The following DLC1 variants were observed in gnomAD, a reference collection of about 807,000 sequenced individuals.
DLC1 encodes DLC1 Rho GTPase activating protein.
DLC1 carries 54 observed loss-of-function variants against 140.3 expected under a neutral mutation model. That is an observed-to-expected ratio of 0.38 (90% CI 0.31 to 0.48). DLC1 has a LOEUF of 0.48. Ranked by LOEUF, DLC1 falls within the 20% of genes least tolerant of loss-of-function variation. The pLI, the probability that DLC1 is intolerant of heterozygous loss-of-function variation, is 0.96. For synonymous variants in DLC1, 986 were observed against 728.1 expected, an observed-to-expected ratio of 1.35 and a Z score of -5.70; for missense variants, 2,536 against 1,907.0, an observed-to-expected ratio of 1.33 and a Z score of -6.14.
chr8:13,504,419 C>T (rs573678694), intron 1 of DLC1, among the ~76,000 whole-genome samples: 2 of 152,244 alleles, frequency 1.3e-5, no homozygotes, highest in East Asian at 3.9e-4. Flanking sequence ...GCCACCGCGC[C>T]CGGCCTTCAG....
At position 13,095,146 on chromosome 8, in the gene DLC1, T is replaced by C. The variant is rs143733431; in HGVS notation, c.3267A>G (p.Gln1089=). 2.5e-5 allele frequency: 41 copies of C among 1,614,158 alleles called. No individual in the cohort carries two copies. The African/African-American group carries it at 4.7e-4, about 18-fold the overall frequency. ...CCTGCTGGATGCTCTGAGGCAACGG[T>C]TGTCCTGTGCGCTGCACGTTGACCG... ...PLTVNVQRTG[Q]PLPQSIQQAM... is the part of the protein sequence containing the mutation. Residue 1089 remains glutamine, a synonymous_variant, in exon 11 of 18, where the codon CAA becomes CAG. Transcript: ENST00000276297.
In DLC1 at chr8:13,286,637, G is replaced by C. The variant is rs552103121; in HGVS notation, c.1348+18632C>G. Among the ~76,000 whole-genome samples the C allele has an allele frequency of 3.3e-5, 5 of 151,010 alleles. No homozygotes were observed. In the South Asian group the frequency reaches 1.0e-3, roughly 31 times the overall value. On this transcript the variant is annotated intron_variant, in intron 5 of 17. Coordinates refer to ENST00000276297, the MANE Select transcript of DLC1 (RefSeq NM_182643.3). Reference sequence around the variant, plus strand: ...ACTTATTAAAGTGAACAGGCATTTTGCTAATATTAGCAGCAAAAGAATGTA... The same window carrying C: ...ACTTATTAAAGTGAACAGGCATTTTCCTAATATTAGCAGCAAAAGAATGTA...
At chr8:13,532,269 A>G (rs999954049) in intron 1 of DLC1, among the ~76,000 whole-genome samples, 4 of 152,092 alleles carry the variant, frequency 2.6e-5, no homozygotes, top group African/African-American at 7.2e-5. Flanking sequence ...GATCCTGTCT[A>G]AAAACAACAA....
chr8:13,157,635 C>T lies in DLC1; in HGVS notation c.1349-41978G>A, dbSNP rs550229204. On this transcript the variant is annotated intron_variant, in intron 5 of 17. Coordinates refer to ENST00000276297, the MANE Select transcript of DLC1 (RefSeq NM_182643.3). ...TGCCTCACAAAAATAACTATATTGT[C>T]GGGGCAGAGGTCTAAAAAGGGATGT... is the stretch of plus-strand genomic sequence containing the variant. Among the ~76,000 whole-genome samples, 480 of 152,250 alleles carry T rather than the reference C, an allele frequency of 3.2e-3. 1 individual carries two copies. The highest frequency in any genetic ancestry group is 5.1e-3 in the Non-Finnish European group (349 of 68,000).
intron 5 of DLC1, among the ~76,000 whole-genome samples, chr8:13,157,811 T>C (rs1456705054): frequency 6.6e-6 from 1 of 152,236 alleles, no homozygotes; most frequent in Non-Finnish European, 1.5e-5. Flanking sequence ...AATCATAATA[T>C]TTCTTTTCCT....
intron 5 of DLC1, among the ~76,000 whole-genome samples, chr8:13,138,607 T>A (rs547318822): frequency 6.6e-6 from 1 of 152,368 alleles, no homozygotes; most frequent in South Asian, 2.1e-4. Context: ...TCAAAGGACA[T>A]ACGACAAAGA....
chr8:13,194,441 T>C (rs1244322122), intron 5 of DLC1, among the ~76,000 whole-genome samples: 1 of 152,202 alleles, frequency 6.6e-6, no homozygotes, highest in Non-Finnish European at 1.5e-5. Flanking sequence ...AAAGAATGCT[T>C]TTGCTGATGG....
At chr8:13,567,482 T>C (rs989562403) in intron 1 of DLC1, 2 of 1,551,964 alleles carry the variant, frequency 1.3e-6, no homozygotes, top group African/African-American at 2.7e-5. Context: ...AGAGATGCCT[T>C]TAGTTGTACT....
At chr8:13,440,598 G>A (rs1246040443) in intron 2 of DLC1, among the ~76,000 whole-genome samples, 1 of 151,716 alleles carries the variant, frequency 6.6e-6, no homozygotes, top group Admixed American at 6.6e-5. Context: ...ATATTTCAGA[G>A]TAGGCCATGG....
chr8:13,335,982 T>C (rs572455327), intron 4 of DLC1, among the ~76,000 whole-genome samples: 2 of 152,298 alleles, frequency 1.3e-5, no homozygotes, highest in African/African-American at 2.4e-5. Context: ...TGTAATATTT[T>C]CACTTATGAA....
At chr8:13,325,798 G>A (rs541863168) in intron 4 of DLC1, among the ~76,000 whole-genome samples, 9 of 152,276 alleles carry the variant, frequency 5.9e-5, no homozygotes, top group Middle Eastern at 3.4e-3. Context: ...AACATGTAGC[G>A]CTTTATGTTT....
intron 4 of DLC1, among the ~76,000 whole-genome samples, chr8:13,306,416 T>C (rs887433976): frequency 5.3e-5 from 8 of 152,114 alleles, no homozygotes; most frequent in Admixed American, 1.3e-4. Context: ...AACTGACCCA[T>C]TGGGATTTGA....
intron 5 of DLC1, among the ~76,000 whole-genome samples, chr8:13,222,944 G>C (rs950604783): frequency 1.3e-5 from 2 of 151,886 alleles, no homozygotes; most frequent in East Asian, 3.9e-4. Context: ...GCAGAGATGG[G>C]GTCTTGGTAT....
chr8:13,133,464 GC>G (rs1822305479), intron 5 of DLC1: 1 of 308,460 alleles, frequency 3.2e-6, no homozygotes, highest in South Asian at 9.5e-5. Context: ...CTTCCTCGTG[GC>G]CGCAGCCTCA....
chr8:13,358,348 ACCC>A (rs1396654223), intron 4 of DLC1, among the ~76,000 whole-genome samples: 1 of 152,134 alleles, frequency 6.6e-6, no homozygotes, highest in East Asian at 1.9e-4. Context: ...TCGTTTTGTC[ACCC>A]CCAGGTTAGT....
At chr8:13,362,312 C>G (rs1835263415) in intron 4 of DLC1, among the ~76,000 whole-genome samples, 1 of 152,098 alleles carries the variant, frequency 6.6e-6, no homozygotes, top group African/African-American at 2.4e-5. Context: ...GTTTTGGGGA[C>G]ATCATAGAGT....
intron 6 of DLC1, among the ~76,000 whole-genome samples, chr8:13,114,086 G>A (rs187628148): frequency 2.0e-5 from 3 of 152,340 alleles, no homozygotes; most frequent in Middle Eastern, 3.4e-3. Flanking sequence ...CCTAGGCCAG[G>A]CGTGGTTGCT....
At chr8:13,093,660 C>T (rs1818270864) in intron 12 of DLC1, among the ~76,000 whole-genome samples, 1 of 152,148 alleles carries the variant, frequency 6.6e-6, no homozygotes, top group Non-Finnish European at 1.5e-5. Context: ...TCCATGGTTA[C>T]AGCACATAAC....
intron 5 of DLC1, among the ~76,000 whole-genome samples, chr8:13,149,446 G>C (rs1823655101): frequency 6.6e-6 from 1 of 152,064 alleles, no homozygotes; most frequent in African/African-American, 2.4e-5. Flanking sequence ...AACATCTTTT[G>C]TTGCTCCCTA....
Sources: allele counts gnomAD v4.1 joint callset (sites outside exome capture counted in the v4.1 genomes callset), GRCh38; gene constraint gnomAD v4.1.1; transcripts MANE v1.5; gene names NCBI Gene and HGNC (gene_info 2026-07-23, HGNC 2026-07-21).